The following CCSER1 variants were observed in gnomAD, a reference collection of about 807,000 sequenced individuals.
The protein encoded by CCSER1 is coiled-coil serine rich protein 1.
A neutral mutation model predicts 82.0 loss-of-function variants in CCSER1; 41 were observed. The observed-to-expected ratio is 0.50, with a 90% confidence interval of 0.39 to 0.65. CCSER1 has a LOEUF of 0.65. Ranked by LOEUF, CCSER1 falls within the 30% of genes least tolerant of loss-of-function variation. CCSER1 has a pLI of 0.00. For missense variants in CCSER1, 1,119 were observed against 1,064.2 expected (o/e 1.05, Z -0.72); for synonymous variants, 414 against 383.9 (o/e 1.08, Z -0.92).
intron 10 of CCSER1, among the ~76,000 whole-genome samples, chr4:91,215,104 A>G (rs1001797678): frequency 3.9e-5 from 6 of 152,116 alleles, no homozygotes; most frequent in African/African-American, 1.4e-4. Context: ...AGAATATTTA[A>G]CTAATTAGTA....
chr4:91,257,144 G>A (rs1184083952), intron 10 of CCSER1, among the ~76,000 whole-genome samples: 1 of 151,982 alleles, frequency 6.6e-6, no homozygotes, highest in African/African-American at 2.4e-5. Context: ...AATGAGGAGT[G>A]GCATTGTTAG....
chr4:90,514,500 A>G (rs961772198), intron 5 of CCSER1, among the ~76,000 whole-genome samples: 72 of 152,294 alleles, frequency 4.7e-4, no homozygotes, highest in African/African-American at 1.5e-3. Context: ...CACATCTGTA[A>G]ATCTCAGCAC....
chr4:91,220,993 A>G (rs1238980520), intron 10 of CCSER1, among the ~76,000 whole-genome samples: 1 of 152,156 alleles, frequency 6.6e-6, no homozygotes, highest in Non-Finnish European at 1.5e-5. Flanking sequence ...TTCAATACAG[A>G]TATATTAATT....
intron 10 of CCSER1, among the ~76,000 whole-genome samples, chr4:91,264,883 A>G (rs369469336): frequency 6.6e-6 from 1 of 152,058 alleles, no homozygotes; most frequent in Non-Finnish European, 1.5e-5. Flanking sequence ...TTTTATTAAA[A>G]TATTATGAAG....
At chr4:90,737,095 A>G (rs577348512) in intron 7 of CCSER1, among the ~76,000 whole-genome samples, 2 of 152,132 alleles carry the variant, frequency 1.3e-5, no homozygotes, top group East Asian at 3.9e-4. Context: ...TCTAGCTATT[A>G]TTTTTGTTAC....
At chr4:91,120,707 G>A (rs1356065883) in intron 10 of CCSER1, among the ~76,000 whole-genome samples, 1 of 151,916 alleles carries the variant, frequency 6.6e-6, no homozygotes, top group Non-Finnish European at 1.5e-5. Context: ...GTTGAATCCA[G>A]GAGGGAAAAT....
At chr4:90,350,770 A>T (rs1403172427) in intron 3 of CCSER1, among the ~76,000 whole-genome samples, 1 of 152,128 alleles carries the variant, frequency 6.6e-6, no homozygotes, top group African/African-American at 2.4e-5. Flanking sequence ...AAGTACACAA[A>T]AGGAATCTTG....
intron 3 of CCSER1, among the ~76,000 whole-genome samples, chr4:90,339,823 A>G (rs1342933599): frequency 1.3e-5 from 2 of 151,902 alleles, no homozygotes; most frequent in Non-Finnish European, 2.9e-5. Flanking sequence ...ACTATTTTAC[A>G]TAATATATGT....
intron 9 of CCSER1, among the ~76,000 whole-genome samples, chr4:90,942,264 T>G (rs1731685366): frequency 6.6e-6 from 1 of 152,202 alleles, no homozygotes; most frequent in Non-Finnish European, 1.5e-5. Context: ...GGAAATATCC[T>G]GTCTTTTAAA....
chr4:90,136,888 C>G (rs1723792961), intron 1 of CCSER1, among the ~76,000 whole-genome samples: 2 of 152,126 alleles, frequency 1.3e-5, no homozygotes, highest in Admixed American at 6.6e-5. Context: ...GAGGAAAATA[C>G]TAGCTCTAAA....
chr4:90,572,573 GTTA>G (rs150107460), intron 5 of CCSER1, among the ~76,000 whole-genome samples: 9,703 of 150,412 alleles, frequency 0.065, 806 homozygotes, highest in African/African-American at 0.19. Context: ...TTGAGCGCAC[GTTA>G]TTATTATTAT....
intron 5 of CCSER1, among the ~76,000 whole-genome samples, chr4:90,551,780 G>A (rs542956397): frequency 8.3e-4 from 122 of 146,902 alleles, no homozygotes; most frequent in African/African-American, 2.8e-3. Context: ...AGCCTTGTAA[G>A]GACAGTCTTT....
chr4:91,438,213 C>G (rs956609014), intron 10 of CCSER1, among the ~76,000 whole-genome samples: 6 of 152,206 alleles, frequency 3.9e-5, no homozygotes, highest in Non-Finnish European at 8.8e-5. Context: ...CCCTGAGCAG[C>G]CTAACTGGGA....
At chr4:90,642,267 GT>G (rs1359135484) in intron 6 of CCSER1, 1 of 154,866 alleles carries the variant, frequency 6.5e-6, no homozygotes, top group Non-Finnish European at 1.4e-5. Flanking sequence ...TAAAATAGCT[GT>G]TTTTAATGAG....
chr4:91,390,342 G>A (rs1454343263), intron 10 of CCSER1, among the ~76,000 whole-genome samples: 1 of 151,730 alleles, frequency 6.6e-6, no homozygotes, highest in Non-Finnish European at 1.5e-5. Context: ...CTGATGTGAT[G>A]GATGATAATA....
At chr4:90,214,206 A>G (rs912217709) in intron 1 of CCSER1, among the ~76,000 whole-genome samples, 1 of 152,278 alleles carries the variant, frequency 6.6e-6, no homozygotes, top group Non-Finnish European at 1.5e-5. Context: ...TATCTTTAGC[A>G]GTGGTAAGAA....
chr4:90,190,110 A>G (rs1178269461), intron 1 of CCSER1, among the ~76,000 whole-genome samples: 1 of 152,040 alleles, frequency 6.6e-6, no homozygotes, highest in African/African-American at 2.4e-5. Context: ...GAGGCGTGAT[A>G]ACTACAGTTG....
Position 90,400,259 on chromosome 4 carries a change from G to A in CCSER1, c.1603+130G>A, listed in dbSNP as rs115644680. 3.3e-3 allele frequency: 1,370 copies of A among 413,978 alleles called. 11 individuals are homozygous for A. Among genetic ancestry groups the A allele is most frequent in the African/African-American group, 0.024 (1,174 of 49,446 alleles). 25.6% of individuals were successfully genotyped at this position (413,978 alleles called of 1,614,324 possible). A position where few individuals can be genotyped will look rare whatever the true frequency, so the allele number is the denominator to read the frequency against. ...TCAGTTTTTATAGTCTATATGCAAAGAACATGCTAGGTACCATGGAGACAT... is the reference window on the plus strand; with the variant it reads ...TCAGTTTTTATAGTCTATATGCAAAAAACATGCTAGGTACCATGGAGACAT... On this transcript the variant is annotated intron_variant, in intron 4 of 10. Coordinates refer to ENST00000509176, the MANE Select transcript of CCSER1 (RefSeq NM_001145065.2).
At chr4:90,534,375 C>T (rs1295091421) in intron 5 of CCSER1, among the ~76,000 whole-genome samples, 7 of 151,990 alleles carry the variant, frequency 4.6e-5, no homozygotes, top group South Asian at 2.1e-4. Flanking sequence ...GTGATCCGCC[C>T]GCCTCGGCCT....
Sources: gnomAD v4.1 joint callset for allele counts (sites outside exome capture counted in the v4.1 genomes callset) on GRCh38, gnomAD v4.1.1 for gene constraint, MANE v1.5 for transcripts, NCBI Gene and HGNC (gene_info 2026-07-23, HGNC 2026-07-21) for gene names.